Variants in PTPRN2 observed in about 807,000 individuals in gnomAD.
PTPRN2 encodes the protein protein tyrosine phosphatase receptor type N2.
In PTPRN2, 74 loss-of-function variants were observed where a neutral mutation model predicts 118.8. That is an observed-to-expected ratio of 0.62 (90% CI 0.52 to 0.76). The LOEUF (loss-of-function observed/expected upper bound fraction) is 0.76. PTPRN2 is among the 30% of genes least tolerant of loss of function. PTPRN2 has a pLI of 0.00. For synonymous variants in PTPRN2, 641 were observed against 608.0 expected, an observed-to-expected ratio of 1.05 and a Z score of -0.80; for missense variants, 1,481 against 1,394.4, an observed-to-expected ratio of 1.06 and a Z score of -0.99.
chr7:157,786,630 T>C (rs1804055957), intron 12 of PTPRN2, among the ~76,000 whole-genome samples: 3 of 152,168 alleles, frequency 2.0e-5, no homozygotes, highest in African/African-American at 7.2e-5. Context: ...TCCCCAGAGA[T>C]AGAGGACGGT....
rs972267338 is a variant in PTPRN2, at chr7:157,974,133, C to G, written c.1724-75396G>C. 6.6e-6 allele frequency among the ~76,000 whole-genome samples: 1 copy of G among 152,204 alleles called. No homozygotes were observed. The highest frequency in any genetic ancestry group is 2.4e-5 in the African/African-American group (1 of 41,448). ...GGACGGTGGGTTGGCGGTGTTGACG[C>G]TGCACAGGTCATGAGCGCCGGCCCT... On this transcript the variant is annotated intron_variant, in intron 11 of 22. Coordinates refer to ENST00000389418, the MANE Select transcript of PTPRN2 (RefSeq NM_002847.5). This position sits in a 1 kb window ranked among gnomAD's most constrained non-coding sequence, Gnocchi z 4.0.
intron 9 of PTPRN2, among the ~76,000 whole-genome samples, chr7:158,116,479 C>T (rs1161453584): frequency 1.3e-5 from 2 of 152,246 alleles, no homozygotes; most frequent in Non-Finnish European, 2.9e-5. Flanking sequence ...CGCTACTCAC[C>T]TTCAGCCCTG....
chr7:157,565,898 C>T (rs1325894397), intron 21 of PTPRN2, among the ~76,000 whole-genome samples: 2 of 152,216 alleles, frequency 1.3e-5, no homozygotes, highest in Admixed American at 6.5e-5. Flanking sequence ...AGAAATGACA[C>T]GTGTAAGCGC....
At position 158,070,232 on chromosome 7, in the gene PTPRN2, G is replaced by A. The variant is rs572933896; in HGVS notation, c.1723+11066C>T. Among the ~76,000 whole-genome samples the A allele has an allele frequency of 2.6e-5, 4 of 152,330 alleles. No individual in the cohort carries two copies. In the East Asian group the frequency reaches 7.7e-4, roughly 29 times the overall value. On this transcript the variant is annotated intron_variant, in intron 11 of 22. Transcript: ENST00000389418. ...CATTGCCCTCAGCTTCAGTAGGTAAGCAGCCAACTGCTGTAGAGGTGCTCA... is the reference window on the plus strand; with the variant it reads ...CATTGCCCTCAGCTTCAGTAGGTAAACAGCCAACTGCTGTAGAGGTGCTCA...
At chr7:157,814,557 C>T (rs1463608004) in intron 12 of PTPRN2, among the ~76,000 whole-genome samples, 54 of 78,450 alleles carry the variant, frequency 6.9e-4, no homozygotes, top group Admixed American at 1.7e-3. Context: ...AGGACAGGGA[C>T]GGAGGAGAGA....
chr7:158,558,094 C>T (rs1440961740), intron 1 of PTPRN2, among the ~76,000 whole-genome samples: 2 of 152,184 alleles, frequency 1.3e-5, no homozygotes, highest in African/African-American at 4.8e-5. Context: ...GGGGGATCCT[C>T]CTGCCTCAGC....
intron 3 of PTPRN2, among the ~76,000 whole-genome samples, chr7:158,268,687 G>C (rs1459999203): frequency 2.8e-5 from 4 of 144,988 alleles, no homozygotes; most frequent in Admixed American, 2.7e-4. Context: ...TGCACACAGA[G>C]AGGGTGTGAA....
intron 11 of PTPRN2, among the ~76,000 whole-genome samples, chr7:158,077,871 A>G (rs1291775725): frequency 6.6e-6 from 1 of 152,240 alleles, no homozygotes; most frequent in Non-Finnish European, 1.5e-5. Context: ...GAAGAATAAA[A>G]AGGATTTTTC....
intron 3 of PTPRN2, among the ~76,000 whole-genome samples, chr7:158,310,020 A>C (rs2151070756): frequency 6.6e-6 from 1 of 152,308 alleles, no homozygotes. Context: ...CCAGGAAGCC[A>C]CCCACCACCA....
rs1222723247 is a variant in PTPRN2, at chr7:157,748,675, G to C, written c.1789-65738C>G. Among the ~76,000 whole-genome samples, 4 of 147,550 alleles carry C rather than the reference G, an allele frequency of 2.7e-5. 1 individual carries two copies. The highest frequency in any genetic ancestry group is 6.7e-5 in the Admixed American group (1 of 14,924). ...AGCTGTGGGCTGTTCAGGTGATTGT[G>C]AGGCCTGCGTCTATGAGCTGTGGGC... On this transcript the variant is annotated intron_variant, in intron 12 of 22. Transcript: ENST00000389418.
intron 12 of PTPRN2, among the ~76,000 whole-genome samples, chr7:157,782,612 T>C (rs1218239088): frequency 6.6e-6 from 1 of 152,174 alleles, no homozygotes; most frequent in Non-Finnish European, 1.5e-5. Flanking sequence ...AACTCATACA[T>C]GTATAATATA....
intron 3 of PTPRN2, among the ~76,000 whole-genome samples, chr7:158,311,934 C>T (rs1489940512): frequency 4.6e-5 from 7 of 150,648 alleles, no homozygotes; most frequent in Non-Finnish European, 8.8e-5. Context: ...CATGTGCTCA[C>T]GTGTAGACAC....
At chr7:158,398,328 C>T (rs1025145297) in intron 2 of PTPRN2, among the ~76,000 whole-genome samples, 3 of 152,176 alleles carry the variant, frequency 2.0e-5, no homozygotes, top group East Asian at 1.9e-4. Context: ...GTCCCCTTTC[C>T]TGGGTTGTGT....
Position 158,130,539 on chromosome 7 carries a change from TACAC to T in PTPRN2, c.1556+3134_1556+3137del, listed in dbSNP as rs1171285532. On this transcript the variant is annotated intron_variant, in intron 9 of 22. Transcript: ENST00000389418. ...TCATACACACACACGTACATACAGA[TACAC>T]ACATCTACCCCACATACACTCATAT... Among the ~76,000 whole-genome samples the T allele has an allele frequency of 4.9e-5, 7 of 142,130 alleles. 1 individual carries two copies. Among genetic ancestry groups the T allele is most frequent in the African/African-American group, 1.8e-4 (7 of 37,956 alleles). The allele number at this position is 142,130 out of a possible 152,430, so 93.2% of individuals were successfully genotyped here. A position where few individuals can be genotyped will look rare whatever the true frequency, so the allele number is the denominator to read the frequency against.
intron 12 of PTPRN2, among the ~76,000 whole-genome samples, chr7:157,768,503 G>A (rs1364313584): frequency 6.6e-6 from 1 of 152,148 alleles, no homozygotes; most frequent in African/African-American, 2.4e-5. Context: ...GCACGCGGCC[G>A]CAACACTTGT....
intron 11 of PTPRN2, among the ~76,000 whole-genome samples, chr7:158,076,790 A>T (rs1035656264): frequency 6.6e-6 from 1 of 152,118 alleles, no homozygotes; most frequent in Non-Finnish European, 1.5e-5. Context: ...CCGATGTGCC[A>T]TCCACTGCCC....
chr7:157,714,131 C>T (rs535394644), intron 12 of PTPRN2, among the ~76,000 whole-genome samples: 40 of 152,306 alleles, frequency 2.6e-4, no homozygotes, highest in African/African-American at 9.4e-4. Context: ...CTCACTACCT[C>T]ATGGCATCAA....
Position 158,367,150 on chromosome 7 carries a change from G to A in PTPRN2, c.164-50218C>T, listed in dbSNP as rs532013926. 5.3e-5 allele frequency among the ~76,000 whole-genome samples: 8 copies of A among 152,254 alleles called. No homozygotes were observed. In the South Asian group the frequency reaches 8.3e-4, roughly 16 times the overall value. ...ACACCCACAGAGCTGACTTCTCCTC[G>A]GTCAACCAGCCCCCAGTGCTCGGAA... On this transcript the variant is annotated intron_variant, in intron 2 of 22. Coordinates refer to ENST00000389418, the MANE Select transcript of PTPRN2 (RefSeq NM_002847.5).
rs1797451999 is a variant in PTPRN2, at chr7:157,690,925, C to T, written c.1789-7988G>A. 6.9e-6 allele frequency among the ~76,000 whole-genome samples: 1 copy of T among 145,862 alleles called. No individual in the cohort carries two copies. The highest frequency in any genetic ancestry group is 2.1e-4 in the South Asian group (1 of 4,790). On this transcript the variant is annotated intron_variant, in intron 12 of 22. Transcript: ENST00000389418. This position sits in a 1 kb window ranked among gnomAD's most constrained non-coding sequence, Gnocchi z 7.1. Reference sequence around the variant, plus strand: ...GGCGCGGGCGGGCTCAGGGCGGGCTCCGGACGGTCCCGGTAGGGCCGCCGG... The same window carrying T: ...GGCGCGGGCGGGCTCAGGGCGGGCTTCGGACGGTCCCGGTAGGGCCGCCGG...
Sources: gnomAD v4.1 joint callset for allele counts (sites outside exome capture counted in the v4.1 genomes callset) on GRCh38, gnomAD v4.1.1 for gene constraint, Gnocchi (gnomAD v3.1) non-coding constraint, MANE v1.5 for transcripts, NCBI Gene and HGNC (gene_info 2026-07-23, HGNC 2026-07-21) for gene names.